SLC30A8: variants seen among roughly 807,000 people sequenced by gnomAD.
SLC30A8 encodes the protein solute carrier family 30 member 8.
In SLC30A8, 27 loss-of-function variants were observed where a neutral mutation model predicts 36.9. The ratio of observed to expected loss-of-function variants is 0.73; its 90% CI spans 0.54 to 1.01. The LOEUF (loss-of-function observed/expected upper bound fraction) is 1.01, where lower values mean the gene tolerates loss of function less well. SLC30A8 is among the 50% of genes least tolerant of loss of function. The pLI is 0.00. For missense variants in SLC30A8, 439 were observed against 452.0 expected, an observed-to-expected ratio of 0.97 and a Z score of 0.26; for synonymous variants, 164 against 172.4, an observed-to-expected ratio of 0.95 and a Z score of 0.38.
In SLC30A8 at chr8:117,125,132, C is replaced by G. The variant is rs115449922; in HGVS notation, c.-225-10148C>G. Among the ~76,000 whole-genome samples the G allele has an allele frequency of 5.1e-3, 782 of 151,920 alleles. 9 individuals carry two copies. Among genetic ancestry groups the G allele is most frequent in the African/African-American group, 0.018 (739 of 41,446 alleles). ...GTTAAGAACTAACAAACTGAGCAAC[C>G]GATCTCCAGGTAGTTTAATCAGAAT... On this transcript the variant is annotated intron_variant, in intron 2 of 10. Coordinates refer to the SLC30A8 transcript ENST00000427715.
At chr8:116,995,921 A>G (rs892105329) in intron 1 of SLC30A8, among the ~76,000 whole-genome samples, 10 of 152,296 alleles carry the variant, frequency 6.6e-5, no homozygotes, top group African/African-American at 1.9e-4. Flanking sequence ...ATGCACTGCA[A>G]CCTTGGCATT....
intron 2 of SLC30A8, among the ~76,000 whole-genome samples, chr8:117,112,357 C>T (rs573627855): frequency 6.6e-5 from 10 of 152,226 alleles, no homozygotes; most frequent in African/African-American, 2.2e-4. Flanking sequence ...CTTAATAAAG[C>T]CCTTTATTTC....
At chr8:117,073,434 AT>A (rs1818392721) in intron 2 of SLC30A8, among the ~76,000 whole-genome samples, 1 of 151,842 alleles carries the variant, frequency 6.6e-6, no homozygotes, top group Non-Finnish European at 1.5e-5. Flanking sequence ...GATTAGATTT[AT>A]TTTTAGTGGA....
chr8:117,032,637 C>A (rs1384769983), intron 1 of SLC30A8, among the ~76,000 whole-genome samples: 4 of 152,208 alleles, frequency 2.6e-5, no homozygotes, highest in Non-Finnish European at 5.9e-5. Context: ...TGCCTGTAAT[C>A]CTGGCACTTT....
intron 1 of SLC30A8, among the ~76,000 whole-genome samples, chr8:116,953,243 C>T (rs10095903): frequency 0.015 from 2,274 of 152,144 alleles, 61 homozygotes; most frequent in African/African-American, 0.051. Context: ...ATGGTGAATA[C>T]GTACCACATT....
chr8:117,161,158 C>A (rs1822773044), intron 4 of SLC30A8, among the ~76,000 whole-genome samples: 1 of 152,116 alleles, frequency 6.6e-6, no homozygotes, highest in Non-Finnish European at 1.5e-5. Context: ...ATTTCTACTT[C>A]TGGATTAATA....
At chr8:116,957,231 A>G (rs1177409130) in intron 1 of SLC30A8, among the ~76,000 whole-genome samples, 1 of 152,006 alleles carries the variant, frequency 6.6e-6, no homozygotes, top group Non-Finnish European at 1.5e-5. Flanking sequence ...TCTTTCACAT[A>G]GTTAAAGGGC....
chr8:117,005,958 C>G (rs1256940133), intron 1 of SLC30A8, among the ~76,000 whole-genome samples: 2 of 152,158 alleles, frequency 1.3e-5, no homozygotes, highest in African/African-American at 2.4e-5. Flanking sequence ...TTAGTTGTAA[C>G]TTAAAAGTGA....
At position 117,135,392 on chromosome 8, in the gene SLC30A8, T is replaced by C; in HGVS notation, c.65T>C (p.Leu22Pro). 1.3e-6 allele frequency: 2 copies of C among 1,594,922 alleles called. No individual in the cohort carries two copies. Among genetic ancestry groups the C allele is most frequent in the Non-Finnish European group, 8.6e-7 (1 of 1,168,272 alleles). Residue 22 changes from leucine to proline, a missense_variant, in exon 1 of 8, where the codon CTA (leucine) becomes CCA (proline). Leu to Pro is a moderately conservative substitution (Grantham distance 98). Coordinates refer to ENST00000456015, the MANE Select transcript of SLC30A8 (RefSeq NM_173851.3). ...DKAAKMYAFT[L>P]ESVELQQKPV... ...GCTGCCAAGATGTATGCTTTCACAC[T>C]AGAAAGGTAATAGATGTCTGTGTCT...
intron 2 of SLC30A8, among the ~76,000 whole-genome samples, chr8:117,073,360 T>A (rs1818389879): frequency 6.6e-6 from 1 of 152,060 alleles, no homozygotes. Context: ...TTCAAGGAAT[T>A]CTCATGCCTC....
rs1473828063 is a variant in SLC30A8 at position 117,163,512 on chromosome 8, T to A, written c.811T>A (p.Ser271Thr). 1.7e-5 allele frequency: 27 copies of A among 1,611,904 alleles called. No individual in the cohort carries two copies. Among genetic ancestry groups the A allele is most frequent in the African/African-American group, 2.7e-5 (2 of 74,838 alleles). Residue 271 changes from serine (S) to threonine (T), a missense_variant, in exon 6 of 8, where the codon TCC becomes ACC. Physicochemically the swap from Ser to Thr is moderately conservative, Grantham distance 58 (BLOSUM62 1). Transcript: ENST00000456015. ...CACCATCACTATCTTAAAGGACTTCTCCATCTTACTCATGGAAGGTAGGAG... is the reference window on the plus strand; with the variant it reads ...CACCATCACTATCTTAAAGGACTTCACCATCTTACTCATGGAAGGTAGGAG... ...ASTITILKDFSILLMEGVPKS... is the reference protein window; with the variant it reads ...ASTITILKDFTILLMEGVPKS...
At chr8:117,094,125 G>A (rs996224806) in intron 2 of SLC30A8, among the ~76,000 whole-genome samples, 1 of 152,232 alleles carries the variant, frequency 6.6e-6, no homozygotes, top group Non-Finnish European at 1.5e-5. Context: ...CCTAGGTTCG[G>A]GCTCCCCGAA....
chr8:117,153,720 A>AGG (rs1295208299), intron 3 of SLC30A8, among the ~76,000 whole-genome samples: 93 of 119,902 alleles, frequency 7.8e-4, no homozygotes, highest in African/African-American at 3.1e-3. Context: ...GGTCATGATA[A>AGG]GGGGTGTGTG....
intron 1 of SLC30A8, among the ~76,000 whole-genome samples, chr8:117,037,126 TA>T (rs1817238729): frequency 6.6e-6 from 1 of 152,164 alleles, no homozygotes; most frequent in Non-Finnish European, 1.5e-5. Context: ...TTCTCACCTT[TA>T]AAAAAATAGA....
chr8:117,084,132 G>T (rs984648374), intron 2 of SLC30A8, among the ~76,000 whole-genome samples: 74 of 152,250 alleles, frequency 4.9e-4, no homozygotes, highest in African/African-American at 1.5e-3. Flanking sequence ...GGCCAATGAA[G>T]TACAACAAGG....
intron 1 of SLC30A8, among the ~76,000 whole-genome samples, chr8:116,963,769 A>T (rs546605878): frequency 6.6e-6 from 1 of 152,294 alleles, no homozygotes; most frequent in South Asian, 2.1e-4. Context: ...TTTGGAGTGT[A>T]TATCCAGGAG....
chr8:116,992,634 G>T (rs1815683017), intron 1 of SLC30A8, among the ~76,000 whole-genome samples: 1 of 152,160 alleles, frequency 6.6e-6, no homozygotes, highest in Non-Finnish European at 1.5e-5. Flanking sequence ...GTCTCTCTAT[G>T]AGGAGCTTAT....
At chr8:117,021,670 A>G (rs1816699128) in intron 1 of SLC30A8, among the ~76,000 whole-genome samples, 1 of 152,216 alleles carries the variant, frequency 6.6e-6, no homozygotes, top group African/African-American at 2.4e-5. Flanking sequence ...TAAAATCTGC[A>G]TGGATTTGCA....
intron 2 of SLC30A8, among the ~76,000 whole-genome samples, chr8:117,116,560 G>A (rs1480481408): frequency 6.6e-6 from 1 of 151,994 alleles, no homozygotes; most frequent in Non-Finnish European, 1.5e-5. Context: ...GAATGCATGA[G>A]TAGCATAATT....
Sources: allele counts gnomAD v4.1 joint callset (sites outside exome capture counted in the v4.1 genomes callset), GRCh38; gene constraint gnomAD v4.1.1; transcripts MANE v1.5; gene names NCBI Gene and HGNC (gene_info 2026-07-23, HGNC 2026-07-21).